Variants in ABR observed in about 807,000 individuals in gnomAD.
ABR encodes the protein ABR activator of RhoGEF and GTPase, also known as active breakpoint cluster region-related protein.
ABR carries 35 observed loss-of-function variants against 107.2 expected under a neutral mutation model. The ratio of observed to expected loss-of-function variants is 0.33; its 90% CI spans 0.25 to 0.43. ABR has a LOEUF of 0.43. Ranked by LOEUF, ABR falls within the 20% of genes least tolerant of loss-of-function variation. The probability of loss-of-function intolerance (pLI) is 1.00; values close to 1 mark genes in which losing one functional copy is unlikely to be tolerated. For synonymous variants in ABR, 498 were observed against 462.0 expected, an observed-to-expected ratio of 1.08 and a Z score of -1.00; for missense variants, 815 against 1,115.2, an observed-to-expected ratio of 0.73 and a Z score of 3.83.
At position 1,125,171 on chromosome 17, in the gene ABR, C is replaced by T. The variant is rs781366961; in HGVS notation, c.246+12G>A. 34 of 1,556,386 alleles carry T rather than the reference C, an allele frequency of 2.2e-5. No homozygotes were observed. Among genetic ancestry groups the T allele is most frequent in the Admixed American group, 9.6e-5 (5 of 51,998 alleles). ...CCTCCCCAAACCCAGAAAGAAAAGC[C>T]GGTGTACCTACCCCAGGAGCCAGTC... On this transcript the variant is annotated intron_variant, in intron 2 of 22. Transcript: ENST00000302538.
At chr17:1,169,832 G>A (rs1463176416) in intron 1 of ABR, among the ~76,000 whole-genome samples, 1 of 152,076 alleles carries the variant, frequency 6.6e-6, no homozygotes, top group Non-Finnish European at 1.5e-5. Flanking sequence ...GGAGAGCAGG[G>A]CCAGCACGCT....
At chr17:1,098,417 C>G (rs186495426) in intron 3 of ABR, among the ~76,000 whole-genome samples, 1 of 152,148 alleles carries the variant, frequency 6.6e-6, no homozygotes, top group Non-Finnish European at 1.5e-5. Context: ...TGTAAGACAC[C>G]ATGGGCCCGG....
chr17:1,198,255 C>T (rs891807865), intron 1 of ABR, among the ~76,000 whole-genome samples: 19 of 151,542 alleles, frequency 1.3e-4, no homozygotes, highest in Non-Finnish European at 1.2e-4. Flanking sequence ...CAAACAACCT[C>T]GACTTCCTGC....
intron 16 of ABR, among the ~76,000 whole-genome samples, chr17:1,045,816 C>G (rs1257916424): frequency 6.6e-6 from 1 of 152,186 alleles, no homozygotes; most frequent in Non-Finnish European, 1.5e-5. Flanking sequence ...GCCAGGACCC[C>G]CTCCTGGGCT....
In ABR at chr17:1,071,429, T is replaced by C. The variant is rs1484270865; in HGVS notation, c.894+1185A>G. Among the ~76,000 whole-genome samples the C allele has an allele frequency of 2.6e-5, 4 of 152,146 alleles. No homozygotes were observed. Among genetic ancestry groups the C allele is most frequent in the Non-Finnish European group, 5.9e-5 (4 of 68,002 alleles). On this transcript the variant is annotated intron_variant, in intron 8 of 22. Transcript: ENST00000302538. This position sits in a 1 kb window ranked among gnomAD's most constrained non-coding sequence, Gnocchi z 5.1. Reference sequence around the variant, plus strand: ...GTAACGGCCGCCTAATGGCCTCCCCTGGACAGGAAGCCTTTCACCCGGGCC... The same window carrying C: ...GTAACGGCCGCCTAATGGCCTCCCCCGGACAGGAAGCCTTTCACCCGGGCC...
At chr17:1,153,079 AAT>A (rs1491242580) in intron 1 of ABR, among the ~76,000 whole-genome samples, 1 of 151,844 alleles carries the variant, frequency 6.6e-6, no homozygotes, top group East Asian at 2.0e-4. Context: ...TTAAAAAAAA[AAT>A]TTTTGACACA....
In ABR at chr17:1,084,428, C is replaced by A. The variant is rs756664151; in HGVS notation, c.532-801G>T. On this transcript the variant is annotated intron_variant, in intron 4 of 22. Transcript: ENST00000302538. The surrounding 1 kb of genome is among the most constrained non-coding windows in gnomAD (Gnocchi z 4.2). ...GATGCTGTCTTTCCATTTCCCTTGG[C>A]CTTGAGGCCCCGTCCTCACCTCTTC... is the stretch of plus-strand genomic sequence containing the variant. Among the ~76,000 whole-genome samples the A allele has an allele frequency of 6.6e-6, 1 of 152,202 alleles. No individual in the cohort carries two copies. The highest frequency in any genetic ancestry group is 1.9e-4 in the East Asian group (1 of 5,182).
In ABR at chr17:1,011,735, G is replaced by A. The variant is rs1555529529; in HGVS notation, c.2101+111C>T. 7.2e-7 allele frequency: 1 copy of A among 1,379,788 alleles called. No individual in the cohort carries two copies. The highest frequency in any genetic ancestry group is 9.6e-7 in the Non-Finnish European group (1 of 1,036,580). 85.5% of individuals were successfully genotyped at this position (1,379,788 alleles called of 1,614,324 possible). The stretch of plus-strand genomic sequence containing the variant: ...CACTTGCCACGGGGACTCTGAAGCA[G>A]AGCAAGCCTCCTCTCCAGGGAGGCT... On this transcript the variant is annotated intron_variant, in intron 19 of 22. Transcript: ENST00000302538. This position sits in a 1 kb window ranked among gnomAD's most constrained non-coding sequence, Gnocchi z 4.8.
chr17:1,054,939 A>C (rs2033089055), intron 14 of ABR, among the ~76,000 whole-genome samples: 1 of 152,028 alleles, frequency 6.6e-6, no homozygotes, highest in Admixed American at 6.5e-5. Context: ...GGAGAGGGAG[A>C]GAGTCAGGGT....
At chr17:1,215,239 G>T (rs1430641957) in intron 1 of ABR, among the ~76,000 whole-genome samples, 2 of 147,824 alleles carry the variant, frequency 1.4e-5, no homozygotes, top group Non-Finnish European at 3.0e-5. Context: ...AAAAAGAAAA[G>T]AAAGAGCTCT....
chr17:1,075,582 T>C (rs1215085515), intron 6 of ABR, among the ~76,000 whole-genome samples: 1 of 111,450 alleles, frequency 9.0e-6, no homozygotes. Context: ...GGTTAAAAGA[T>C]ACAGATGCTG....
intron 5 of ABR, among the ~76,000 whole-genome samples, chr17:1,082,628 G>T (rs2165858): frequency 0.41 from 61,695 of 152,056 alleles, 12,846 homozygotes; most frequent in South Asian, 0.56. Context: ...TTTATGGGAT[G>T]GCAGTCTTAG....
intron 3 of ABR, among the ~76,000 whole-genome samples, chr17:1,096,685 G>A (rs2151319066): frequency 6.6e-6 from 1 of 152,192 alleles, no homozygotes; most frequent in African/African-American, 2.4e-5. Flanking sequence ...GGGGAAGGTG[G>A]GGAACCCGCC....
chr17:1,031,660 GCTTGCTCC>G, intron 16 of ABR: 1 of 1,257,102 alleles, frequency 8.0e-7, no homozygotes, highest in Non-Finnish European at 1.0e-6. Flanking sequence ...TTGGGGGGGC[GCTTGCTCC>G]CCGACTCCTC....
chr17:1,067,308 G>T (rs2034835388), intron 9 of ABR, 66 bp from the exon 10 acceptor site: 1 of 1,444,456 alleles, frequency 6.9e-7, no homozygotes, highest in Middle Eastern at 2.5e-4. Flanking sequence ...CAACTCTTGG[G>T]TCCAGAACCA....
At chr17:1,109,458 G>A (rs1436651029) in intron 2 of ABR, among the ~76,000 whole-genome samples, 1 of 152,038 alleles carries the variant, frequency 6.6e-6, no homozygotes. Flanking sequence ...GCGTCGCGAG[G>A]TGGAGCCGCC....
At position 1,154,377 on chromosome 17, in the gene ABR, G is replaced by A. The variant is rs2040954816; in HGVS notation, c.61+25290C>T. The A allele has an allele frequency of 6.6e-6, 1 of 152,314 alleles. No homozygotes were observed. The highest frequency in any genetic ancestry group is 2.4e-5 in the African/African-American group (1 of 41,440). 9.4% of individuals were successfully genotyped at this position (152,314 alleles called of 1,614,324 possible). ...GGACCTTCAGAATTCAACAGGTGCAGCTTACAGTTCCCGTCCCGTGGTGCT... is the reference window on the plus strand; with the variant it reads ...GGACCTTCAGAATTCAACAGGTGCAACTTACAGTTCCCGTCCCGTGGTGCT... On this transcript the variant is annotated intron_variant, in intron 1 of 22. Coordinates refer to ENST00000302538, the MANE Select transcript of ABR (RefSeq NM_021962.5). This position sits in a 1 kb window ranked among gnomAD's most constrained non-coding sequence, Gnocchi z 4.0.
intron 1 of ABR, among the ~76,000 whole-genome samples, chr17:1,212,680 G>A (rs534067250): frequency 9.2e-5 from 14 of 152,212 alleles, no homozygotes; most frequent in South Asian, 4.2e-4. Flanking sequence ...ACCTGAGGTC[G>A]GGAGTTTGAG....
intron 1 of ABR, among the ~76,000 whole-genome samples, chr17:1,128,784 C>T (rs2039703104): frequency 1.4e-5 from 2 of 146,272 alleles, no homozygotes; most frequent in African/African-American, 5.0e-5. Flanking sequence ...AGGTCTACCT[C>T]GGGACGTTTT....
Sources: gnomAD v4.1 joint callset for allele counts (sites outside exome capture counted in the v4.1 genomes callset) on GRCh38, gnomAD v4.1.1 for gene constraint, Gnocchi (gnomAD v3.1) non-coding constraint, MANE v1.5 for transcripts, NCBI Gene and HGNC (gene_info 2026-07-23, HGNC 2026-07-21) for gene names.